The following DPP6 variants were observed in gnomAD, a reference collection of about 807,000 sequenced individuals.
DPP6 encodes A-type potassium channel modulatory protein DPP6.
DPP6 carries 69 observed loss-of-function variants against 122.6 expected under a neutral mutation model. That is an observed-to-expected ratio of 0.56 (90% CI 0.46 to 0.69). DPP6 has a LOEUF of 0.69. Ranked by LOEUF, DPP6 falls within the 30% of genes least tolerant of loss-of-function variation. The pLI is 0.00. For synonymous variants in DPP6, 418 were observed against 433.1 expected, an observed-to-expected ratio of 0.97 and a Z score of 0.43; for missense variants, 928 against 1,116.9, an observed-to-expected ratio of 0.83 and a Z score of 2.41.
At chr7:154,777,129 G>T (rs1384642748) in intron 10 of DPP6, among the ~76,000 whole-genome samples, 1 of 152,212 alleles carries the variant, frequency 6.6e-6, no homozygotes, top group Non-Finnish European at 1.5e-5. Context: ...TCATCCATGT[G>T]GCATGTGCTG....
chr7:154,435,284 AT>A (rs945110156), intron 1 of DPP6, among the ~76,000 whole-genome samples: 11 of 151,958 alleles, frequency 7.2e-5, no homozygotes, highest in Admixed American at 1.3e-4. Context: ...AGAGGGAGGA[AT>A]GGGAGGGGGT....
the DPP6 span, among the ~76,000 whole-genome samples, chr7:153,837,056 G>A: frequency 1.2e-4 from 18 of 152,104 alleles, no homozygotes; most frequent in Non-Finnish European, 1.5e-4. Context: ...ATGCCACACC[G>A]CCAAGAAAAT....
At chr7:154,572,743 G>C (rs1000202454) in intron 5 of DPP6, among the ~76,000 whole-genome samples, 4 of 149,450 alleles carry the variant, frequency 2.7e-5, no homozygotes, top group Admixed American at 6.7e-5. Context: ...GCAGTGGCAC[G>C]ATCTCAGCTC....
At chr7:154,623,590 CACACACACGCTG>C (rs911356905) in intron 5 of DPP6, among the ~76,000 whole-genome samples, 88 of 145,114 alleles carry the variant, frequency 6.1e-4, no homozygotes, top group Non-Finnish European at 7.3e-4. Flanking sequence ...CGCACACGCG[CACACACACGCTG>C]ACACACACGC....
chr7:154,839,445 G>A (rs1269261681), intron 16 of DPP6, among the ~76,000 whole-genome samples: 1 of 152,250 alleles, frequency 6.6e-6, no homozygotes, highest in Non-Finnish European at 1.5e-5. Flanking sequence ...TCCAGTGCTG[G>A]CGTTACCACT....
intron 5 of DPP6, among the ~76,000 whole-genome samples, chr7:154,631,751 A>G (rs1238185707): frequency 1.3e-5 from 2 of 152,114 alleles, no homozygotes; most frequent in East Asian, 1.9e-4. Flanking sequence ...TTTGTTTTCA[A>G]TGAGGGAGAT....
At chr7:154,607,561 C>CAA (rs1162220684) in intron 5 of DPP6, among the ~76,000 whole-genome samples, 977 of 22,246 alleles carry the variant, frequency 0.044, 170 homozygotes, top group African/African-American at 0.1. Flanking sequence ...GACTCTGTCT[C>CAA]AAAAAAAAAA....
intron 1 of DPP6, among the ~76,000 whole-genome samples, chr7:154,344,203 C>T (rs1222136155): frequency 6.6e-6 from 1 of 152,156 alleles, no homozygotes; most frequent in African/African-American, 2.4e-5. Flanking sequence ...ATTGTCTGTT[C>T]CCAAGCACAC....
intron 7 of DPP6, among the ~76,000 whole-genome samples, chr7:154,692,380 C>T (rs192740184): frequency 7.5e-4 from 114 of 152,290 alleles, no homozygotes; most frequent in Admixed American, 2.4e-3. Flanking sequence ...AATTAAGTCA[C>T]GTCCTAGTGA....
intron 12 of DPP6, 131 bp downstream of exon 12, chr7:154,796,014 A>C: frequency 2.2e-6 from 3 of 1,392,136 alleles, no homozygotes; most frequent in Non-Finnish European, 2.8e-6. Flanking sequence ...GCAGAAACAG[A>C]CGGCGTGCCG....
At chr7:154,358,003 C>T (rs1344000885) in intron 1 of DPP6, among the ~76,000 whole-genome samples, 1 of 151,652 alleles carries the variant, frequency 6.6e-6, no homozygotes, top group Non-Finnish European at 1.5e-5. Context: ...CCTTGTTACT[C>T]TTGAATTATG....
At chr7:153,795,183 G>A in the DPP6 span, among the ~76,000 whole-genome samples, 4 of 152,226 alleles carry the variant, frequency 2.6e-5, no homozygotes, top group Admixed American at 1.3e-4. Context: ...TTGGCAGGCC[G>A]AGGTGGGTGG....
chr7:153,858,797 G>A, the DPP6 span, among the ~76,000 whole-genome samples: 7 of 152,120 alleles, frequency 4.6e-5, no homozygotes, highest in African/African-American at 1.2e-4. Flanking sequence ...GAATGTAAGG[G>A]AGAAAGAACA....
At chr7:154,236,200 A>G (rs1050105416) in intron 1 of DPP6, among the ~76,000 whole-genome samples, 2 of 152,214 alleles carry the variant, frequency 1.3e-5, no homozygotes, top group Admixed American at 1.3e-4. Context: ...CAAACCTAAT[A>G]GGAATGTTGT....
At chr7:154,135,142 TTGTG>T (rs770644141) in intron 1 of DPP6, among the ~76,000 whole-genome samples, 3 of 150,278 alleles carry the variant, frequency 2.0e-5, no homozygotes, top group Non-Finnish European at 4.4e-5. Context: ...TGAGCCCACA[TTGTG>T]GGTGTACACT....
At chr7:154,818,368 T>C (rs73502121) in intron 16 of DPP6, among the ~76,000 whole-genome samples, 2,748 of 152,302 alleles carry the variant, frequency 0.018, 74 homozygotes, top group African/African-American at 0.063. Context: ...GGGGTGATAC[T>C]GATTCACACC....
chr7:154,191,820 C>G (rs1373815819), intron 1 of DPP6, among the ~76,000 whole-genome samples: 2 of 152,186 alleles, frequency 1.3e-5, no homozygotes, highest in African/African-American at 4.8e-5. Flanking sequence ...ACCTGGCCTT[C>G]TTTAGGGACA....
chr7:154,587,523 A>T, intron 5 of DPP6: 1 of 988,056 alleles, frequency 1.0e-6, no homozygotes, highest in Admixed American at 2.5e-5. Context: ...TGAAGACCCA[A>T]TGTGAACATT....
chr7:153,988,164 C>T (rs1418163945), intron 1 of DPP6, among the ~76,000 whole-genome samples: 15 of 152,094 alleles, frequency 9.9e-5, no homozygotes, highest in South Asian at 6.3e-4. Flanking sequence ...TTTCCCTTGA[C>T]GGAGGAGGGA....
Sources: allele counts gnomAD v4.1 joint callset (sites outside exome capture counted in the v4.1 genomes callset), GRCh38; gene constraint gnomAD v4.1.1; transcripts MANE v1.5; gene names NCBI Gene and HGNC (gene_info 2026-07-23, HGNC 2026-07-21).